Variants in HSPBAP1 observed in about 807,000 individuals in gnomAD.
HSPBAP1 encodes HSPB1-associated protein 1.
Under a neutral mutation model 45.2 loss-of-function variants are expected in HSPBAP1, and 27 were observed. That is an observed-to-expected ratio of 0.60 (90% CI 0.44 to 0.82). The LOEUF (loss-of-function observed/expected upper bound fraction) is 0.82. Ranked by LOEUF, HSPBAP1 falls within the 40% of genes least tolerant of loss-of-function variation. The probability of loss-of-function intolerance (pLI) is 0.00; values close to 1 mark genes in which losing one functional copy is unlikely to be tolerated. For missense variants in HSPBAP1, 510 were observed against 590.9 expected, an observed-to-expected ratio of 0.86 and a Z score of 1.42; for synonymous variants, 204 against 202.7, an observed-to-expected ratio of 1.01 and a Z score of -0.06.
intron 1 of HSPBAP1, among the ~76,000 whole-genome samples, chr3:122,784,699 T>A (rs1214657460): frequency 6.6e-6 from 1 of 152,180 alleles, no homozygotes; most frequent in African/African-American, 2.4e-5. Context: ...TATCAAAGGC[T>A]ATTACAACCA....
chr3:122,781,930 A>T (rs1935500916), intron 1 of HSPBAP1, among the ~76,000 whole-genome samples: 1 of 152,236 alleles, frequency 6.6e-6, no homozygotes, highest in Non-Finnish European at 1.5e-5. Context: ...TGTGATAAAC[A>T]CATGAAGGCA....
chr3:122,752,776 AT>A, intron 5 of HSPBAP1, 102 bp from the exon 6 acceptor site: 1 of 1,411,594 alleles, frequency 7.1e-7, no homozygotes, highest in South Asian at 1.5e-5. Flanking sequence ...AGGAATACAA[AT>A]GAATTCACAA....
At chr3:122,759,442 C>A (rs756428902) in intron 3 of HSPBAP1, 82 bp from the exon 4 acceptor site, 36 of 1,380,386 alleles carry the variant, frequency 2.6e-5, no homozygotes, top group Non-Finnish European at 3.5e-5. Flanking sequence ...ACTTGCACAT[C>A]TGTTATTTAG....
intron 1 of HSPBAP1, among the ~76,000 whole-genome samples, chr3:122,789,820 C>A (rs764703912): frequency 5.3e-5 from 8 of 151,980 alleles, no homozygotes; most frequent in Non-Finnish European, 7.4e-5. Context: ...TCACTCCTAT[C>A]ACTCCTAATC....
chr3:122,785,810 C>T (rs1371787761), intron 1 of HSPBAP1, among the ~76,000 whole-genome samples: 4 of 151,922 alleles, frequency 2.6e-5, no homozygotes, highest in African/African-American at 9.7e-5. Flanking sequence ...TTTTATTTCC[C>T]AGACTTCTTT....
chr3:122,785,740 C>A (rs1043845961), intron 1 of HSPBAP1, among the ~76,000 whole-genome samples: 2 of 152,060 alleles, frequency 1.3e-5, no homozygotes, highest in African/African-American at 2.4e-5. Flanking sequence ...TTCTACTTAC[C>A]CAATACTCAT....
intron 1 of HSPBAP1, among the ~76,000 whole-genome samples, chr3:122,781,583 G>A (rs1426959496): frequency 6.6e-6 from 1 of 152,130 alleles, no homozygotes; most frequent in African/African-American, 2.4e-5. Context: ...GAGAGAGGGA[G>A]AGGGAGAACA....
chr3:122,793,471 T>G (rs1160743828), intron 1 of HSPBAP1, 146 bp downstream of exon 1: 5 of 693,734 alleles, frequency 7.2e-6, no homozygotes, highest in Non-Finnish European at 1.3e-5. Flanking sequence ...CCACGCTCAC[T>G]AGAAAATATA....
At chr3:122,783,856 AGTCTCGCTCTGTC>A (rs1237484486) in intron 1 of HSPBAP1, among the ~76,000 whole-genome samples, 1 of 146,726 alleles carries the variant, frequency 6.8e-6, no homozygotes, top group African/African-American at 2.6e-5. Context: ...TTTGAGACGG[AGTCTCGCTCTGTC>A]GCCCAGGCTG....
chr3:122,759,314 T>C lies in HSPBAP1; in HGVS notation c.479A>G (p.Glu160Gly), dbSNP rs1274188254. The C allele has an allele frequency of 6.2e-7, 1 of 1,613,894 alleles. No individual in the cohort carries two copies. The highest frequency in any genetic ancestry group is 1.3e-5 in the African/African-American group (1 of 74,928). ...CAAGGAGCCAATCCACAATGTACTTTCCTGTCCATTTCTTCCAGGAAACCC... is the reference window on the plus strand; with the variant it reads ...CAAGGAGCCAATCCACAATGTACTTCCCTGTCCATTTCTTCCAGGAAACCC... ...DFGFPGRNGQ[E>G]STLWIGSLGA... is the part of the protein sequence containing the mutation. The change falls in exon 4 of 8, where the codon GAA (glutamate) becomes GGA (glycine). Residue 160 changes from glutamate (E) to glycine (G), a missense_variant. By Grantham distance (98) the Glu-to-Gly change is moderately conservative. Coordinates refer to ENST00000306103, the MANE Select transcript of HSPBAP1 (RefSeq NM_024610.6).
At chr3:122,786,131 A>G (rs995636220) in intron 1 of HSPBAP1, among the ~76,000 whole-genome samples, 3 of 151,840 alleles carry the variant, frequency 2.0e-5, no homozygotes, top group Admixed American at 6.6e-5. Flanking sequence ...AAAAAAAAAA[A>G]CAAAATTCCT....
intron 3 of HSPBAP1, among the ~76,000 whole-genome samples, chr3:122,765,356 G>A (rs966816124): frequency 3.3e-5 from 5 of 152,076 alleles, no homozygotes; most frequent in Admixed American, 6.5e-5. Flanking sequence ...TGAGGCAGGC[G>A]GATCACTTGA....
intron 1 of HSPBAP1, 70 bp from the exon 2 acceptor site, chr3:122,777,976 A>T (rs901426867): frequency 2.9e-4 from 278 of 975,388 alleles, no homozygotes; most frequent in Middle Eastern, 2.3e-3. Context: ...TGGAGAAAAA[A>T]TAGCTAATAT....
intron 1 of HSPBAP1, among the ~76,000 whole-genome samples, chr3:122,786,981 C>A (rs1295632165): frequency 1.3e-5 from 2 of 152,204 alleles, no homozygotes; most frequent in Non-Finnish European, 1.5e-5. Flanking sequence ...CCTATGGATG[C>A]ACCCAGTTAT....
intron 3 of HSPBAP1, among the ~76,000 whole-genome samples, chr3:122,765,362 C>T (rs1333033002): frequency 6.6e-6 from 1 of 152,084 alleles, no homozygotes; most frequent in African/African-American, 2.4e-5. Flanking sequence ...AGGCGGATCA[C>T]TTGAGTTCAG....
intron 1 of HSPBAP1, among the ~76,000 whole-genome samples, chr3:122,791,916 A>C (rs9855669): frequency 0.1 from 15,154 of 152,286 alleles, 759 homozygotes; most frequent in Non-Finnish European, 0.12. Context: ...AGAAGGGATT[A>C]GAGGGGCACA....
At position 122,793,663 on chromosome 3, in the gene HSPBAP1, C is replaced by T. The variant is rs1242503659; in HGVS notation, c.18G>A (p.Glu6=). The T allele has an allele frequency of 6.2e-7, 1 of 1,613,892 alleles. No homozygotes were observed. The highest frequency in any genetic ancestry group is 8.5e-7 in the Non-Finnish European group (1 of 1,180,010). The change falls in exon 1 of 8, where the codon GAG becomes GAA. Residue 6 remains glutamate, a synonymous_variant. Coordinates refer to ENST00000306103, the MANE Select transcript of HSPBAP1 (RefSeq NM_024610.6). Reference sequence around the variant, plus strand: ...CCGCAACGATCACAGGAGTGGTCGCCTCGGAGCCTGCTGCCATGGCTACCG... The same window carrying T: ...CCGCAACGATCACAGGAGTGGTCGCTTCGGAGCCTGCTGCCATGGCTACCG... MAAGS[E]ATTPVIVAAG...
At chr3:122,752,427 T>C (rs1934185912) in intron 6 of HSPBAP1, among the ~76,000 whole-genome samples, 164 bp downstream of exon 6, 2 of 151,958 alleles carry the variant, frequency 1.3e-5, no homozygotes. Flanking sequence ...AAACATCCAT[T>C]AACAGAAGAC....
chr3:122,756,024 AAC>A (rs1934343828), intron 4 of HSPBAP1, among the ~76,000 whole-genome samples: 1 of 152,242 alleles, frequency 6.6e-6, no homozygotes, highest in South Asian at 2.1e-4. Flanking sequence ...TGTCATTTAA[AAC>A]AGTTTTGAAA....
Sources: allele counts gnomAD v4.1 joint callset (sites outside exome capture counted in the v4.1 genomes callset), GRCh38; gene constraint gnomAD v4.1.1; transcripts MANE v1.5; gene names NCBI Gene and HGNC (gene_info 2026-07-23, HGNC 2026-07-21).